The following RSRP1 variants were observed in gnomAD, a reference collection of about 807,000 sequenced individuals.
RSRP1 encodes arginine/serine-rich protein 1.
A neutral mutation model predicts 33.0 loss-of-function variants in RSRP1; 37 were observed. That is an observed-to-expected ratio of 1.12 (90% CI 0.86 to 1.48). RSRP1 has a LOEUF of 1.48. RSRP1 is among the 40% of genes most tolerant of loss of function. The probability of loss-of-function intolerance (pLI) is 0.00; values close to 1 mark genes in which losing one functional copy is unlikely to be tolerated. For synonymous variants in RSRP1, 167 were observed against 158.7 expected (o/e 1.05, Z -0.40); for missense variants, 402 against 385.3 (o/e 1.04, Z -0.36).
Position 25,246,730 on chromosome 1 carries a change from C to A in RSRP1, c.234G>T (p.Ser78=). 1 of 1,607,382 alleles carries A rather than the reference C, an allele frequency of 6.2e-7. No individual in the cohort carries two copies. Among genetic ancestry groups the A allele is most frequent in the Non-Finnish European group, 8.5e-7 (1 of 1,175,128 alleles). The stretch of plus-strand genomic sequence containing the variant: ...GCGACCGGCTCCGCGAGTATGACCG[C>A]GAGTAGCGCCTGTACTTCCGCTGGT... ...RRHQRKYRRY[S]RSYSRSRSRS... is the part of the protein sequence containing the mutation. The change falls in exon 2 of 5, where the codon TCG becomes TCT. Residue 78 remains serine, a synonymous_variant. Transcript: ENST00000243189.
At chr1:25,301,235 T>G (rs531637511) in intron 1 of RSRP1, 2 of 911,264 alleles carry the variant, frequency 2.2e-6, no homozygotes, top group East Asian at 4.7e-5. Context: ...TTTCTTTGAG[T>G]AGTGTTTGCT....
intron 1 of RSRP1, among the ~76,000 whole-genome samples, chr1:25,252,678 C>T (rs955175957): frequency 6.6e-6 from 1 of 152,040 alleles, no homozygotes; most frequent in Non-Finnish European, 1.5e-5. Context: ...GGATTACAGG[C>T]GCCAGCAACT....
At position 25,318,261 on chromosome 1, in the gene RSRP1, C is replaced by T. The variant is rs567202507; in HGVS notation, c.-67+19717G>A. 14 of 127,486 alleles carry T rather than the reference C, an allele frequency of 1.1e-4. 5 individuals are homozygous for T. Among genetic ancestry groups the T allele is most frequent in the Non-Finnish European group, 2.0e-4 (11 of 54,068 alleles). 7.9% of individuals were successfully genotyped at this position (127,486 alleles called of 1,614,324 possible). A position where few individuals can be genotyped will look rare whatever the true frequency, so the allele number is the denominator to read the frequency against. ...CCGGGAGGCAGAGGTTGCAGTGAGC[C>T]GAGACTCTGTCTAAAAAAAAAGAAA... On this transcript the variant is annotated intron_variant, in intron 1 of 1. Transcript: ENST00000561867.
Position 25,301,358 on chromosome 1 carries a change from G to T in RSRP1, c.-67+36620C>A, listed in dbSNP as rs537060558. Among the ~76,000 whole-genome samples the T allele has an allele frequency of 3.1e-5, 4 of 129,824 alleles. 1 individual carries two copies. The South Asian group carries it at 9.5e-4, about 31-fold the overall frequency. The allele number at this position is 129,824 out of a possible 152,430, so 85.2% of individuals were successfully genotyped here. ...CTTGTCTGTAAAATGTGGTTAGCTG[G>T]TATCAGCTTGAGAGCTCGGAGGGGA... On this transcript the variant is annotated intron_variant, in intron 1 of 1. Transcript: ENST00000561867.
At chr1:25,244,581 G>C in intron 3 of RSRP1, 1 of 1,285,550 alleles carries the variant, frequency 7.8e-7, no homozygotes, top group Non-Finnish European at 1.0e-6. Flanking sequence ...GCAAATGAAA[G>C]CTACAAACAC....
chr1:25,268,607 C>T (rs769918934), intron 1 of RSRP1, among the ~76,000 whole-genome samples: 2 of 130,374 alleles, frequency 1.5e-5, no homozygotes, highest in Non-Finnish European at 3.6e-5. Context: ...CACAAGGAAC[C>T]CTTGTCAAGG....
intron 1 of RSRP1, among the ~76,000 whole-genome samples, chr1:25,263,434 G>A (rs1032103585): frequency 1.8e-4 from 28 of 151,846 alleles, no homozygotes; most frequent in Non-Finnish European, 3.4e-4. Flanking sequence ...GCAATGAGGA[G>A]CAAGTCACGT....
chr1:25,243,358 C>T (rs1190913836), intron 4 of RSRP1, among the ~76,000 whole-genome samples, 192 bp downstream of exon 4: 1 of 152,020 alleles, frequency 6.6e-6, no homozygotes, highest in Non-Finnish European at 1.5e-5. Flanking sequence ...TCGGAACTAA[C>T]GTGAATGTTA....
In RSRP1 at chr1:25,313,325, A is replaced by G. The variant is rs1200645801; in HGVS notation, c.-67+24653T>C. On this transcript the variant is annotated intron_variant, in intron 1 of 1. Coordinates refer to the RSRP1 transcript ENST00000561867. ...CAGCCTCCAGAACCATGAGCTATAT[A>G]TACTTATTTTACAAATTACCCATTC... 1.5e-5 allele frequency among the ~76,000 whole-genome samples: 2 copies of G among 132,466 alleles called. 1 individual carries two copies. Among genetic ancestry groups the G allele is most frequent in the Non-Finnish European group, 3.6e-5 (2 of 55,842 alleles). 86.9% of individuals were successfully genotyped at this position (132,466 alleles called of 152,430 possible).
intron 2 of RSRP1, 90 bp from the exon 3 acceptor site, chr1:25,245,391 T>G: frequency 7.0e-7 from 1 of 1,431,448 alleles, no homozygotes. Context: ...AATATGTTAT[T>G]TTGTGGTATT....
intron 1 of RSRP1, among the ~76,000 whole-genome samples, chr1:25,330,675 T>C (rs1433946033): frequency 7.6e-6 from 1 of 132,194 alleles, no homozygotes; most frequent in Non-Finnish European, 1.8e-5. Flanking sequence ...ATATCCTCAT[T>C]GTCTTTCACA....
rs1206952449 is a variant in RSRP1, at chr1:25,289,734, CTCCT to C, written c.-66-42709_-66-42706del. ...TGATAAGTCCAGTCAGCATCACCCT[CTCCT>C]TCCAATGAACCCCACTAGCCTTGTG... On this transcript the variant is annotated intron_variant, in intron 1 of 1. Coordinates refer to the RSRP1 transcript ENST00000561867. Among the ~76,000 whole-genome samples, 2 of 127,440 alleles carry C rather than the reference CTCCT, an allele frequency of 1.6e-5. 1 individual carries two copies. The highest frequency in any genetic ancestry group is 3.7e-5 in the Non-Finnish European group (2 of 54,244). 83.6% of individuals were successfully genotyped at this position (127,440 alleles called of 152,430 possible).
At chr1:25,271,690 C>T (rs1347957374) in intron 1 of RSRP1, among the ~76,000 whole-genome samples, 1 of 132,138 alleles carries the variant, frequency 7.6e-6, no homozygotes, top group Non-Finnish European at 1.8e-5. Context: ...GTCCCAAGCC[C>T]CCTAAAGCTC....
chr1:25,247,087 C>G (rs1639508716), intron 1 of RSRP1, 58 bp from the exon 2 acceptor site: 1 of 1,083,854 alleles, frequency 9.2e-7, no homozygotes. Flanking sequence ...CCTGGCCACC[C>G]GGAAGCCACA....
At chr1:25,305,577 A>ATTT (rs1372363120) in intron 1 of RSRP1, among the ~76,000 whole-genome samples, 9 of 110,520 alleles carry the variant, frequency 8.1e-5, no homozygotes, top group African/African-American at 2.9e-4. Context: ...TCGTGTGTGT[A>ATTT]TGTATTTTGT....
intron 4 of RSRP1, 71 bp from the exon 5 acceptor site, chr1:25,242,776 T>A: frequency 9.3e-7 from 1 of 1,071,530 alleles, no homozygotes. Flanking sequence ...AAAAGTACAT[T>A]AAATAATCCC....
chr1:25,242,680 T>C lies in RSRP1; in HGVS notation c.782A>G (p.Lys261Arg), dbSNP rs746482623. The part of the protein sequence containing the change: ...SNNSVAKPIQ[K>R]SAKAATEEAS... ...CTCTTCTGTGGCAGCTTTAGCTGATTTTTGTATTGGCTTTGCTACAGAATT... is the reference window on the plus strand; with the variant it reads ...CTCTTCTGTGGCAGCTTTAGCTGATCTTTGTATTGGCTTTGCTACAGAATT... Residue 261 changes from lysine to arginine, a missense_variant, in exon 5 of 5, where the codon AAA (lysine) becomes AGA (arginine). Coordinates refer to ENST00000243189, the MANE Select transcript of RSRP1 (RefSeq NM_020317.5). 6.2e-7 allele frequency: 1 copy of C among 1,609,550 alleles called. No individual in the cohort carries two copies. Among genetic ancestry groups the C allele is most frequent in the Non-Finnish European group, 8.5e-7 (1 of 1,179,620 alleles).
At chr1:25,315,790 C>A (rs1489112907) in intron 1 of RSRP1, among the ~76,000 whole-genome samples, 1 of 130,646 alleles carries the variant, frequency 7.7e-6, no homozygotes, top group African/African-American at 2.6e-5. Flanking sequence ...GCCACCACAC[C>A]CGGCCTTAAT....
chr1:25,244,665 A>G, intron 3 of RSRP1: 2 of 1,205,542 alleles, frequency 1.7e-6, no homozygotes, highest in South Asian at 1.5e-5. Flanking sequence ...ATAAGAGTAC[A>G]CTGTTAACTG....
Sources: gnomAD v4.1 joint callset for allele counts (sites outside exome capture counted in the v4.1 genomes callset) on GRCh38, gnomAD v4.1.1 for gene constraint, MANE v1.5 for transcripts, NCBI Gene and HGNC (gene_info 2026-07-23, HGNC 2026-07-21) for gene names.